Variants in HPSE2 observed in about 807,000 individuals in gnomAD.
HPSE2 encodes heparanase 2 (inactive), also known as inactive heparanase-2.
A neutral mutation model predicts 60.5 loss-of-function variants in HPSE2; 38 were observed. The observed-to-expected ratio is 0.63, with a 90% CI of 0.48 to 0.82. The LOEUF is 0.82. Among genes scored for constraint, HPSE2 ranks in the 40% least tolerant of loss-of-function variants. The probability of loss-of-function intolerance (pLI) is 0.00; values close to 1 mark genes in which losing one functional copy is unlikely to be tolerated. For synonymous variants in HPSE2, 295 were observed against 293.2 expected (o/e 1.01, Z -0.06); for missense variants, 713 against 740.4 (o/e 0.96, Z 0.43).
intron 4 of HPSE2, among the ~76,000 whole-genome samples, chr10:98,732,573 T>C (rs993244170): frequency 1.3e-5 from 2 of 152,120 alleles, no homozygotes; most frequent in Non-Finnish European, 2.9e-5. Flanking sequence ...GGAATCTCTA[T>C]ATCCACATGC....
chr10:98,568,894 C>T (rs942744196), intron 9 of HPSE2, among the ~76,000 whole-genome samples: 1 of 101,956 alleles, frequency 9.8e-6, no homozygotes, highest in South Asian at 4.7e-4. Flanking sequence ...GGTAAGACTA[C>T]TGCTAACGGG....
At chr10:98,593,029 C>T (rs7099621) in intron 9 of HPSE2, among the ~76,000 whole-genome samples, 59,580 of 152,030 alleles carry the variant, frequency 0.39, 11,799 homozygotes, top group East Asian at 0.51. Context: ...AAAATTAAAA[C>T]TCATTTCAAT....
the HPSE2 span, among the ~76,000 whole-genome samples, chr10:99,290,694 A>G: frequency 6.6e-6 from 1 of 152,072 alleles, no homozygotes; most frequent in Non-Finnish European, 1.5e-5. Flanking sequence ...CTAGTTATGA[A>G]CCTCCCACAA....
At chr10:98,879,444 C>A (rs1022959951) in intron 3 of HPSE2, among the ~76,000 whole-genome samples, 3 of 151,980 alleles carry the variant, frequency 2.0e-5, no homozygotes, top group Non-Finnish European at 2.9e-5. Flanking sequence ...AACAGAGAAA[C>A]CAGAAAACAC....
intron 3 of HPSE2, among the ~76,000 whole-genome samples, chr10:99,139,402 C>T (rs952469117): frequency 7.2e-5 from 11 of 151,740 alleles, no homozygotes; most frequent in Non-Finnish European, 1.5e-4. Flanking sequence ...ATCCATAAAA[C>T]CAAAAACCAC....
chr10:99,291,888 C>T, the HPSE2 span, among the ~76,000 whole-genome samples: 1 of 152,068 alleles, frequency 6.6e-6, no homozygotes, highest in Non-Finnish European at 1.5e-5. Flanking sequence ...TCCAAACTGT[C>T]GAGTAAATCA....
At chr10:99,124,692 T>C (rs925275372) in intron 3 of HPSE2, among the ~76,000 whole-genome samples, 13 of 152,218 alleles carry the variant, frequency 8.5e-5, no homozygotes, top group African/African-American at 3.1e-4. Flanking sequence ...ACCAGAAGCA[T>C]GGCAAGGCCA....
intron 3 of HPSE2, among the ~76,000 whole-genome samples, chr10:98,948,445 G>A (rs1008349095): frequency 1.3e-5 from 2 of 152,076 alleles, no homozygotes; most frequent in Non-Finnish European, 2.9e-5. Flanking sequence ...GAAAGACGAA[G>A]GGGAAGAAGC....
intron 3 of HPSE2, among the ~76,000 whole-genome samples, chr10:98,810,034 A>G (rs902844611): frequency 1.1e-4 from 16 of 152,142 alleles, no homozygotes; most frequent in African/African-American, 3.9e-4. Flanking sequence ...GTCAATTTGT[A>G]TATTTCTGCT....
At chr10:98,978,180 G>A (rs1956129604) in intron 3 of HPSE2, among the ~76,000 whole-genome samples, 1 of 151,998 alleles carries the variant, frequency 6.6e-6, no homozygotes, top group Non-Finnish European at 1.5e-5. Flanking sequence ...TACTGTTAAA[G>A]CCTTCAATAA....
chr10:98,800,050 A>G lies in HPSE2; in HGVS notation c.611-55994T>C, dbSNP rs546620806. The stretch of plus-strand genomic sequence containing the variant: ...CAAACCTCTAGTTCAACTAACAAAG[A>G]AAAAAAAAGGGAGAAGACCCTAATA... On this transcript the variant is annotated intron_variant, in intron 3 of 11. Transcript: ENST00000370552. Among the ~76,000 whole-genome samples the G allele has an allele frequency of 9.0e-5, 12 of 133,582 alleles. No individual in the cohort carries two copies. The South Asian group carries it at 1.3e-3, about 14-fold the overall frequency. 87.6% of individuals were successfully genotyped at this position (133,582 alleles called of 152,430 possible). A position where few individuals can be genotyped will look rare whatever the true frequency, so the allele number is the denominator to read the frequency against.
chr10:99,118,924 G>A lies in HPSE2; in HGVS notation c.610+25314C>T, dbSNP rs192975272. Among the ~76,000 whole-genome samples, 4 of 152,078 alleles carry A rather than the reference G, an allele frequency of 2.6e-5. No homozygotes were observed. In the East Asian group the frequency reaches 7.7e-4, roughly 29 times the overall value. Reference sequence around the variant, plus strand: ...CCCAGCTACTTGGGAGATGAGGCAGGAGACTCACTGGAACCTGGGAGGTGG... The same window carrying A: ...CCCAGCTACTTGGGAGATGAGGCAGAAGACTCACTGGAACCTGGGAGGTGG... On this transcript the variant is annotated intron_variant, in intron 3 of 11. Coordinates refer to ENST00000370552, the MANE Select transcript of HPSE2 (RefSeq NM_021828.5).
chr10:99,182,940 G>A (rs1253731042), intron 2 of HPSE2, among the ~76,000 whole-genome samples: 3 of 151,954 alleles, frequency 2.0e-5, no homozygotes, highest in African/African-American at 7.3e-5. Context: ...AGCTTGCAGT[G>A]AGCAGAGATC....
chr10:98,755,568 T>C (rs1394629575), intron 3 of HPSE2, among the ~76,000 whole-genome samples: 4 of 152,222 alleles, frequency 2.6e-5, no homozygotes, highest in Non-Finnish European at 2.9e-5. Flanking sequence ...GAATATACAT[T>C]CTTCTCATTT....
chr10:98,598,239 C>A (rs1350524730), intron 9 of HPSE2, among the ~76,000 whole-genome samples: 1 of 152,116 alleles, frequency 6.6e-6, no homozygotes, highest in Non-Finnish European at 1.5e-5. Flanking sequence ...GTCAGCCCAT[C>A]TGGAGATTCT....
chr10:98,758,872 A>C (rs747942654), intron 3 of HPSE2, among the ~76,000 whole-genome samples: 4 of 152,214 alleles, frequency 2.6e-5, no homozygotes, highest in Non-Finnish European at 5.9e-5. Flanking sequence ...TCTACCATAA[A>C]GATACATGCA....
intron 9 of HPSE2, among the ~76,000 whole-genome samples, chr10:98,494,774 T>C (rs1941774327): frequency 6.6e-6 from 1 of 152,176 alleles, no homozygotes. Flanking sequence ...TCTCATAAAT[T>C]ATGTAGAAAC....
At chr10:99,093,641 G>A (rs1054531429) in intron 3 of HPSE2, among the ~76,000 whole-genome samples, 3 of 152,160 alleles carry the variant, frequency 2.0e-5, no homozygotes, top group African/African-American at 4.8e-5. Flanking sequence ...TCAAGTGCAA[G>A]AGCCCACTCC....
intron 3 of HPSE2, among the ~76,000 whole-genome samples, chr10:98,934,604 C>T (rs1421257801): frequency 6.9e-6 from 1 of 143,954 alleles, no homozygotes; most frequent in African/African-American, 2.8e-5. Context: ...GAACATTGGC[C>T]CCCAATTTCT....
Sources: allele counts gnomAD v4.1 joint callset (sites outside exome capture counted in the v4.1 genomes callset), GRCh38; gene constraint gnomAD v4.1.1; transcripts MANE v1.5; gene names NCBI Gene and HGNC (gene_info 2026-07-23, HGNC 2026-07-21).